Variants in CHST8 observed in about 807,000 individuals in gnomAD.
The protein encoded by CHST8 is carbohydrate sulfotransferase 8.
A neutral mutation model predicts 15.0 loss-of-function variants in CHST8; 10 were observed. That is an observed-to-expected ratio of 0.67 (90% CI 0.41 to 1.13). The LOEUF (loss-of-function observed/expected upper bound fraction) is 1.13. Ranked by LOEUF, CHST8 falls within the 50% of genes most tolerant of loss-of-function variation. CHST8 has a pLI of 0.00. For missense variants in CHST8, 634 were observed against 608.2 expected, an observed-to-expected ratio of 1.04 and a Z score of -0.45; for synonymous variants, 259 against 256.6, an observed-to-expected ratio of 1.01 and a Z score of -0.09.
At chr19:33,718,775 G>A (rs1295103442) in intron 3 of CHST8, among the ~76,000 whole-genome samples, 1 of 152,208 alleles carries the variant, frequency 6.6e-6, no homozygotes, top group African/African-American at 2.4e-5. Context: ...TGCGGAGGAG[G>A]GTGTTGAGGC....
chr19:33,737,373 T>G (rs1211017989), intron 3 of CHST8, among the ~76,000 whole-genome samples: 1 of 152,202 alleles, frequency 6.6e-6, no homozygotes, highest in Non-Finnish European at 1.5e-5. Flanking sequence ...CTGTGACAAT[T>G]CCATCCCCAG....
chr19:33,705,883 G>T (rs1973436328), intron 3 of CHST8, among the ~76,000 whole-genome samples: 2 of 152,216 alleles, frequency 1.3e-5, no homozygotes, highest in South Asian at 4.1e-4. Context: ...ATTCAAGGAG[G>T]TGGCATCCAG....
intron 1 of CHST8, among the ~76,000 whole-genome samples, chr19:33,652,025 G>T (rs768471089): frequency 5.3e-5 from 8 of 151,984 alleles, no homozygotes; most frequent in Non-Finnish European, 1.0e-4. Context: ...ATATGGTTAT[G>T]AATTTGTTCA....
chr19:33,698,398 AAAAAGAAAG>A (rs1291368594), intron 3 of CHST8, among the ~76,000 whole-genome samples: 7 of 149,738 alleles, frequency 4.7e-5, no homozygotes, highest in African/African-American at 1.7e-4. Context: ...GAAAAAAAAA[AAAAAGAAAG>A]AAAGAAAGAA....
intron 3 of CHST8, among the ~76,000 whole-genome samples, chr19:33,720,073 C>G (rs780374919): frequency 1.2e-4 from 18 of 152,148 alleles, no homozygotes; most frequent in Non-Finnish European, 2.4e-4. Flanking sequence ...ACACACAGCT[C>G]CTCCGCCAGG....
At chr19:33,640,623 C>A (rs1410044471) in intron 1 of CHST8, among the ~76,000 whole-genome samples, 1 of 152,248 alleles carries the variant, frequency 6.6e-6, no homozygotes, top group African/African-American at 2.4e-5. Flanking sequence ...AGACTCTTAA[C>A]TTTTTTATGT....
chr19:33,687,042 C>T (rs1330282170), intron 2 of CHST8, among the ~76,000 whole-genome samples: 1 of 152,242 alleles, frequency 6.6e-6, no homozygotes, highest in Non-Finnish European at 1.5e-5. Context: ...CTTCTAACTC[C>T]TTTCTATGAC....
intron 3 of CHST8, among the ~76,000 whole-genome samples, chr19:33,762,864 C>CTTT (rs967177736): frequency 6.9e-5 from 8 of 116,450 alleles, no homozygotes; most frequent in Admixed American, 9.2e-5. Context: ...AGTTTTCTCT[C>CTTT]TTTTTTTTTT....
At chr19:33,661,910 C>T (rs1325372080) in intron 1 of CHST8, among the ~76,000 whole-genome samples, 2 of 150,432 alleles carry the variant, frequency 1.3e-5, no homozygotes, top group East Asian at 2.0e-4. Flanking sequence ...GTGGTGTGTG[C>T]CTGTAGTCCT....
intron 3 of CHST8, among the ~76,000 whole-genome samples, chr19:33,723,218 G>C (rs752467673): frequency 3.5e-4 from 54 of 152,248 alleles, no homozygotes; most frequent in Admixed American, 1.1e-3. Flanking sequence ...ACCTGTGAGT[G>C]TGTGTGTATC....
In CHST8 at chr19:33,772,184, G is replaced by A. The variant is rs372363019; in HGVS notation, c.396G>A (p.Ala132=). The part of the protein sequence containing the change: ...AATIPANSSD[A]PFIRPGPGTL... ...CCATCCCGGCCAACAGCTCGGACGCGCCCTTCATCCGGCCGGGACCCGGGA... is the reference window on the plus strand; with the variant it reads ...CCATCCCGGCCAACAGCTCGGACGCACCCTTCATCCGGCCGGGACCCGGGA... The change falls in exon 5 of 5, where the codon GCG becomes GCA. Residue 132 remains alanine, a synonymous_variant. Coordinates refer to ENST00000650847, the MANE Select transcript of CHST8 (RefSeq NM_001127895.2). 50 of 1,597,072 alleles carry A rather than the reference G, an allele frequency of 3.1e-5. No homozygotes were observed. The highest frequency in any genetic ancestry group is 4.0e-5 in the Non-Finnish European group (47 of 1,174,230).
At chr19:33,666,449 G>A (rs982882750) in intron 1 of CHST8, among the ~76,000 whole-genome samples, 12 of 152,194 alleles carry the variant, frequency 7.9e-5, no homozygotes, top group African/African-American at 2.9e-4. Flanking sequence ...AGAGCTCACG[G>A]ATCCAGGAAT....
intron 3 of CHST8, among the ~76,000 whole-genome samples, chr19:33,697,366 A>G (rs565066019): frequency 6.6e-6 from 1 of 151,614 alleles, no homozygotes. Context: ...AGTAGCTGGG[A>G]CCACAGGCAC....
chr19:33,721,589 TATGGATGG>T (rs113422475), intron 3 of CHST8, among the ~76,000 whole-genome samples: 1 of 125,674 alleles, frequency 8.0e-6, no homozygotes, highest in Non-Finnish European at 1.6e-5. Flanking sequence ...TGAGTGGGCA[TATGGATGG>T]ATGGATGGAT....
Position 33,676,128 on chromosome 19 carries a change from G to A in CHST8, c.-87+8285G>A, listed in dbSNP as rs116453017. 6.4e-3 allele frequency among the ~76,000 whole-genome samples: 973 copies of A among 152,076 alleles called. 17 individuals are homozygous for A. The highest frequency in any genetic ancestry group is 0.022 in the African/African-American group (900 of 41,520). ...GGTGGTGGACCTCAGGCCAAATCCA[G>A]CATGGACATAAGGCTCAAGTAAGTT... On this transcript the variant is annotated intron_variant, in intron 2 of 4. Transcript: ENST00000650847.
intron 3 of CHST8, among the ~76,000 whole-genome samples, chr19:33,716,025 C>A (rs80324323): frequency 6.6e-6 from 1 of 152,202 alleles, no homozygotes; most frequent in Non-Finnish European, 1.5e-5. Flanking sequence ...CTTATAGATG[C>A]GTCATTTGCA....
intron 3 of CHST8, among the ~76,000 whole-genome samples, chr19:33,720,349 C>T (rs1215517637): frequency 6.6e-6 from 1 of 151,284 alleles, no homozygotes; most frequent in Non-Finnish European, 1.5e-5. Flanking sequence ...CATACATACA[C>T]ACCACACATG....
chr19:33,762,472 C>T (rs530959782), intron 3 of CHST8, among the ~76,000 whole-genome samples: 2 of 152,328 alleles, frequency 1.3e-5, no homozygotes, highest in East Asian at 3.9e-4. Context: ...ATCACTAAGG[C>T]GAGGGAACAG....
intron 1 of CHST8, among the ~76,000 whole-genome samples, chr19:33,652,024 T>A (rs980346939): frequency 2.6e-5 from 4 of 152,198 alleles, no homozygotes; most frequent in African/African-American, 9.6e-5. Flanking sequence ...AATATGGTTA[T>A]GAATTTGTTC....
Sources: allele counts gnomAD v4.1 joint callset (sites outside exome capture counted in the v4.1 genomes callset), GRCh38; gene constraint gnomAD v4.1.1; transcripts MANE v1.5; gene names NCBI Gene and HGNC (gene_info 2026-07-23, HGNC 2026-07-21).